TMTC1: variants seen among roughly 807,000 people sequenced by gnomAD.
TMTC1 encodes transmembrane O-mannosyltransferase targeting cadherins 1.
A neutral mutation model predicts 104.8 loss-of-function variants in TMTC1; 73 were observed. The ratio of observed to expected loss-of-function variants is 0.70; its 90% CI spans 0.58 to 0.85. TMTC1 has a LOEUF of 0.85. TMTC1 is among the 40% of genes least tolerant of loss of function. The pLI, the probability that TMTC1 is intolerant of heterozygous loss-of-function variation, is 0.00. For missense variants in TMTC1, 1,035 were observed against 1,096.1 expected (o/e 0.94, Z 0.79); for synonymous variants, 434 against 428.7 (o/e 1.01, Z -0.15).
intron 10 of TMTC1, among the ~76,000 whole-genome samples, chr12:29,539,100 C>T (rs952893843): frequency 2.0e-5 from 3 of 152,182 alleles, no homozygotes; most frequent in African/African-American, 7.2e-5. Context: ...GTCTCTCTTG[C>T]TCACCCCTTG....
chr12:29,654,953 G>A (rs562968973), intron 5 of TMTC1, among the ~76,000 whole-genome samples: 7 of 152,088 alleles, frequency 4.6e-5, no homozygotes, highest in South Asian at 2.1e-4. Context: ...GCGTGATCTC[G>A]GCTTACTGCA....
chr12:29,651,841 A>T (rs1211391278), intron 5 of TMTC1, among the ~76,000 whole-genome samples: 1 of 152,162 alleles, frequency 6.6e-6, no homozygotes, highest in African/African-American at 2.4e-5. Flanking sequence ...AGGAACAGAA[A>T]ATGAAGAACA....
intron 7 of TMTC1, among the ~76,000 whole-genome samples, chr12:29,594,109 G>A (rs1004047167): frequency 5.9e-5 from 9 of 152,134 alleles, no homozygotes; most frequent in African/African-American, 9.7e-5. Flanking sequence ...AGCCTGGTTC[G>A]CGTGGTCTCA....
chr12:29,671,892 G>A (rs958480405), intron 5 of TMTC1, among the ~76,000 whole-genome samples: 2 of 152,196 alleles, frequency 1.3e-5, no homozygotes. Flanking sequence ...GTAGGCAAGA[G>A]GGGCCAAGGG....
At chr12:29,662,568 T>C (rs1192193225) in intron 5 of TMTC1, among the ~76,000 whole-genome samples, 2 of 150,728 alleles carry the variant, frequency 1.3e-5, no homozygotes, top group African/African-American at 2.5e-5. Context: ...AAGAATCATT[T>C]GAACCCGGGA....
intron 5 of TMTC1, among the ~76,000 whole-genome samples, chr12:29,714,672 T>C (rs991785047): frequency 6.6e-6 from 1 of 152,242 alleles, no homozygotes; most frequent in Non-Finnish European, 1.5e-5. Context: ...CCTGGATTTG[T>C]GGACCACAGT....
intron 5 of TMTC1, among the ~76,000 whole-genome samples, chr12:29,649,730 T>C (rs1372038045): frequency 6.6e-6 from 1 of 152,184 alleles, no homozygotes; most frequent in Admixed American, 6.5e-5. Context: ...AGACAGAAAA[T>C]TGGACAAGGC....
chr12:29,753,978 T>G (rs2136979457), intron 4 of TMTC1, among the ~76,000 whole-genome samples: 1 of 152,282 alleles, frequency 6.6e-6, no homozygotes, highest in South Asian at 2.1e-4. Flanking sequence ...GCAATTCTCC[T>G]TCCTCAGCCT....
chr12:29,700,071 T>C (rs1051653815), intron 5 of TMTC1, among the ~76,000 whole-genome samples: 1 of 152,036 alleles, frequency 6.6e-6, no homozygotes, highest in Non-Finnish European at 1.5e-5. Context: ...TCTTTAGAGA[T>C]AGGGTCTTGT....
rs572158906 is a variant in TMTC1 at position 29,691,753 on chromosome 12, T to C, written c.939-58417A>G. Reference sequence around the variant, plus strand: ...AAAAAAAAAAACCTACTTCCCACAATGGTGTACTGGAGGTCTGAGAGAGGA... The same window carrying C: ...AAAAAAAAAAACCTACTTCCCACAACGGTGTACTGGAGGTCTGAGAGAGGA... On this transcript the variant is annotated intron_variant, in intron 5 of 17. Transcript: ENST00000539277. 1.9e-4 allele frequency among the ~76,000 whole-genome samples: 25 copies of C among 134,254 alleles called. 4 individuals are homozygous for C. The highest frequency in any genetic ancestry group is 6.4e-4 in the African/African-American group (23 of 35,812). The allele number at this position is 134,254 out of a possible 152,430, so 88.1% of individuals were successfully genotyped here.
chr12:29,526,002 T>A (rs1216964992), intron 11 of TMTC1, among the ~76,000 whole-genome samples: 2 of 152,204 alleles, frequency 1.3e-5, no homozygotes, highest in Non-Finnish European at 2.9e-5. Flanking sequence ...AGCTTTCATA[T>A]AACCAGAAAA....
At chr12:29,617,055 C>T (rs1792388270) in intron 6 of TMTC1, among the ~76,000 whole-genome samples, 1 of 152,076 alleles carries the variant, frequency 6.6e-6, no homozygotes, top group South Asian at 2.1e-4. Context: ...TTTTTCCTCT[C>T]CAAATGCACT....
intron 9 of TMTC1, among the ~76,000 whole-genome samples, chr12:29,565,055 G>C (rs934329350): frequency 6.6e-6 from 1 of 152,126 alleles, no homozygotes; most frequent in African/African-American, 2.4e-5. Context: ...TTTACATTTA[G>C]GGAGACATTT....
At chr12:29,702,799 TA>T (rs201718957) in intron 5 of TMTC1, among the ~76,000 whole-genome samples, 7,429 of 152,092 alleles carry the variant, frequency 0.049, 281 homozygotes, top group Non-Finnish European at 0.07. Context: ...AAGAAAAAAA[TA>T]GTCCATCATA....
chr12:29,575,710 A>C (rs1263309854), intron 8 of TMTC1, among the ~76,000 whole-genome samples: 2 of 152,178 alleles, frequency 1.3e-5, no homozygotes, highest in Non-Finnish European at 2.9e-5. Context: ...TGAACATGGG[A>C]GTGCAGATAT....
rs34170602 is a variant in TMTC1 at position 29,651,902 on chromosome 12, CAAA to C, written c.939-18569_939-18567del. On this transcript the variant is annotated intron_variant, in intron 5 of 17. Coordinates refer to ENST00000539277, the MANE Select transcript of TMTC1 (RefSeq NM_001193451.2). ...AAATAACTGAAGCAAAAAACTTGCC[CAAA>C]AAAAAAAAAAATTAGCCATTGAGAA... Among the ~76,000 whole-genome samples, 798 of 143,200 alleles carry C rather than the reference CAAA, an allele frequency of 5.6e-3. 8 individuals are homozygous for C. The highest frequency in any genetic ancestry group is 0.02 in the African/African-American group (772 of 39,408). 93.9% of individuals were successfully genotyped at this position (143,200 alleles called of 152,430 possible).
chr12:29,654,656 A>G (rs183412608), intron 5 of TMTC1, among the ~76,000 whole-genome samples: 1 of 152,160 alleles, frequency 6.6e-6, no homozygotes, highest in African/African-American at 2.4e-5. Flanking sequence ...TTGTATGTGA[A>G]TGTTCATAGC....
chr12:29,693,506 C>A (rs1941324130), intron 5 of TMTC1, among the ~76,000 whole-genome samples: 1 of 151,974 alleles, frequency 6.6e-6, no homozygotes, highest in Non-Finnish European at 1.5e-5. Context: ...TGTAACCAAC[C>A]TTTCTCTATC....
At chr12:29,741,733 G>A (rs769236051) in intron 5 of TMTC1, among the ~76,000 whole-genome samples, 2 of 152,224 alleles carry the variant, frequency 1.3e-5, no homozygotes, top group Non-Finnish European at 2.9e-5. Context: ...GAGGGAGAAT[G>A]AAAAGCGTTT....
Sources: allele counts gnomAD v4.1 joint callset (sites outside exome capture counted in the v4.1 genomes callset), GRCh38; gene constraint gnomAD v4.1.1; transcripts MANE v1.5; gene names NCBI Gene and HGNC (gene_info 2026-07-23, HGNC 2026-07-21).